The following ISCA2 variants were observed in gnomAD, a reference collection of about 807,000 sequenced individuals.
ISCA2 encodes iron-sulfur cluster assembly 2, also known as iron-sulfur cluster assembly 2 homolog, mitochondrial.
A neutral mutation model predicts 19.1 loss-of-function variants in ISCA2; 21 were observed. That is an observed-to-expected ratio of 1.10 (90% CI 0.78 to 1.59). ISCA2 has a LOEUF of 1.59. Ranked by LOEUF, ISCA2 falls within the 40% of genes most tolerant of loss-of-function variation. The pLI is 0.00. For synonymous variants in ISCA2, 107 were observed against 83.8 expected (o/e 1.28, Z -1.51); for missense variants, 181 against 191.7 (o/e 0.94, Z 0.33).
intron 3 of ISCA2, 156 bp from the exon 4 acceptor site, chr14:74,494,670 T>C (rs978275035): frequency 1.5e-6 from 1 of 655,806 alleles, no homozygotes; most frequent in Non-Finnish European, 2.6e-6. Context: ...ATTTATTCCA[T>C]TGAATCATTT....
Position 74,496,241 on chromosome 14 carries a change from G to A in ISCA2, c.*1241G>A, listed in dbSNP as rs900042598. On this transcript the variant is annotated 3_prime_UTR_variant, in exon 4 of 4. Transcript: ENST00000556816. ...AATCCATCTTTTGCTTGGGAGCCTA[G>A]AAGTTTGTTACAGTAAAGACTTGCA... 1.3e-5 allele frequency: 2 copies of A among 152,164 alleles called. No homozygotes were observed. The highest frequency in any genetic ancestry group is 4.8e-5 in the African/African-American group (2 of 41,436). The allele number at this position is 152,164 out of a possible 1,614,324, so 9.4% of individuals were successfully genotyped here.
In ISCA2 at chr14:74,494,384, A is replaced by G. The variant is rs774568931; in HGVS notation, c.284A>G (p.Asp95Gly). The G allele has an allele frequency of 1.2e-6, 2 of 1,612,282 alleles. No homozygotes were observed. The highest frequency in any genetic ancestry group is 8.5e-7 in the Non-Finnish European group (1 of 1,178,398). ...TCACTGGATACAGTTATCAACCCCG[A>G]CGACAGGCAAGGAGGAAGGGGTGGG... ...KFSLDTVINP[D>G]DRVFEQGGAR... Residue 95 changes from aspartate to glycine, a missense_variant, in exon 3 of 4, where the codon GAC (aspartate) becomes GGC (glycine). By Grantham distance (94) the Asp-to-Gly change is moderately conservative (BLOSUM62 -1). Coordinates refer to ENST00000556816, the MANE Select transcript of ISCA2 (RefSeq NM_194279.4).
Position 74,494,154 on chromosome 14 carries a change from T to A in ISCA2, c.174+2T>A. The A allele has an allele frequency of 6.3e-7, 1 of 1,587,668 alleles. No individual in the cohort carries two copies. The highest frequency in any genetic ancestry group is 8.6e-7 in the Non-Finnish European group (1 of 1,166,796). ...CGCCTCACAGACAGTTGCGTCCAGGTAGGAGGCCGGACGCGGAGCGGCGGT... is the reference window on the plus strand; with the variant it reads ...CGCCTCACAGACAGTTGCGTCCAGGAAGGAGGCCGGACGCGGAGCGGCGGT... On this transcript the variant is annotated splice_donor_variant, in intron 2 of 3. Coordinates refer to ENST00000556816, the MANE Select transcript of ISCA2 (RefSeq NM_194279.4). LOFTEE classifies it high-confidence loss of function.
rs1175844021 is a variant in ISCA2, at chr14:74,496,659, A to G, written c.*1659A>G. Reference sequence around the variant, plus strand: ...TTAAGAATATTTTTGTGGGTTATTTATTGATTTTGTGGTTTTAAAACTCTT... The same window carrying G: ...TTAAGAATATTTTTGTGGGTTATTTGTTGATTTTGTGGTTTTAAAACTCTT... On this transcript the variant is annotated 3_prime_UTR_variant, in exon 4 of 4. Coordinates refer to ENST00000556816, the MANE Select transcript of ISCA2 (RefSeq NM_194279.4). The G allele has an allele frequency of 1.3e-5, 2 of 152,162 alleles. No individual in the cohort carries two copies. The highest frequency in any genetic ancestry group is 4.8e-5 in the African/African-American group (2 of 41,428). The allele number at this position is 152,162 out of a possible 1,614,324, so 9.4% of individuals were successfully genotyped here.
intron 3 of ISCA2, 86 bp downstream of exon 3, chr14:74,494,476 A>T: frequency 1.0e-6 from 1 of 990,330 alleles, no homozygotes; most frequent in Non-Finnish European, 1.6e-6. Flanking sequence ...TTCCAAATTT[A>T]AAGGGTTTAC....
chr14:74,494,707 A>T, intron 3 of ISCA2, 119 bp from the exon 4 acceptor site: 1 of 824,710 alleles, frequency 1.2e-6, no homozygotes, highest in Non-Finnish European at 1.9e-6. Context: ...AGCACCTGTT[A>T]AAGGTAATGG....
chr14:74,494,886 AG>A lies in ISCA2; in HGVS notation c.355del (p.Ala119ProfsTer9). ...VDSDSLAFVK[G>X]AQVDFSQELI... is the part of the protein sequence containing the mutation. ...ACTCTGATAGCTTGGCCTTCGTGAA[AG>A]GGGCCCAGGTGGACTTCAGCCAAGA... On this transcript the variant is annotated frameshift_variant, in exon 4 of 4. Coordinates refer to ENST00000556816, the MANE Select transcript of ISCA2 (RefSeq NM_194279.4). LOFTEE classifies it high-confidence loss of function. The A allele has an allele frequency of 6.2e-7, 1 of 1,614,080 alleles. No homozygotes were observed. Among genetic ancestry groups the A allele is most frequent in the Non-Finnish European group, 8.5e-7 (1 of 1,179,974 alleles).
chr14:74,495,260 A>G lies in ISCA2; in HGVS notation c.*260A>G. On this transcript the variant is annotated 3_prime_UTR_variant, in exon 4 of 4. Transcript: ENST00000556816. ...TTAATCACTGGTTGAAACTCCGTAT[A>G]ATCTGTAGAGCCTCCATGGCTCTAA... 2 of 396,702 alleles carry G rather than the reference A, an allele frequency of 5.0e-6. No homozygotes were observed. Among genetic ancestry groups the G allele is most frequent in the Non-Finnish European group, 9.0e-6 (2 of 221,536 alleles). 24.6% of individuals were successfully genotyped at this position (396,702 alleles called of 1,614,324 possible).
chr14:74,494,709 A>T, intron 3 of ISCA2, 117 bp from the exon 4 acceptor site: 1 of 833,942 alleles, frequency 1.2e-6, no homozygotes, highest in Non-Finnish European at 1.9e-6. Flanking sequence ...CACCTGTTAA[A>T]GGTAATGGGG....
At chr14:74,494,790 G>T in intron 3 of ISCA2, 36 bp from the exon 4 acceptor site, 1 of 1,593,486 alleles carries the variant, frequency 6.3e-7, no homozygotes. Context: ...TTTTGTGTTT[G>T]CGATACTCCT....
chr14:74,495,014 G>T lies in ISCA2; in HGVS notation c.*14G>T. On this transcript the variant is annotated 3_prime_UTR_variant, in exon 4 of 4. Transcript: ENST00000556816. ...ATCAAACTTTGATGTGATGACTGGT[G>T]ACTCTGGGATTGTCACCAGTTGTAC... 6.2e-7 allele frequency: 1 copy of T among 1,602,356 alleles called. No homozygotes were observed. Among genetic ancestry groups the T allele is most frequent in the South Asian group, 1.1e-5 (1 of 90,662 alleles).
chr14:74,495,787 A>AT lies in ISCA2; in HGVS notation c.*789dup. On this transcript the variant is annotated 3_prime_UTR_variant, in exon 4 of 4. Transcript: ENST00000556816. Reference sequence around the variant, plus strand: ...ATGCACAGCAGGAAGTGATCCCTTTATTGTTATAGGTAATAGATTCTTGGG... The same window carrying AT: ...ATGCACAGCAGGAAGTGATCCCTTTATTTGTTATAGGTAATAGATTCTTGGG... The AT allele has an allele frequency of 6.6e-6, 1 of 152,120 alleles. No homozygotes were observed. Among genetic ancestry groups the AT allele is most frequent in the East Asian group, 1.9e-4 (1 of 5,200 alleles). The allele number at this position is 152,120 out of a possible 1,614,324, so 9.4% of individuals were successfully genotyped here.
chr14:74,493,770 G>A lies in ISCA2; in HGVS notation c.-5G>A, dbSNP rs1345199100. ...AGACGCGAGGGGCGGAGCTTGTGGAGGAAGATGGCTGCCGCCTGGGGGTCG... is the reference window on the plus strand; with the variant it reads ...AGACGCGAGGGGCGGAGCTTGTGGAAGAAGATGGCTGCCGCCTGGGGGTCG... On this transcript the variant is annotated 5_prime_UTR_variant, in exon 1 of 4. Coordinates refer to ENST00000556816, the MANE Select transcript of ISCA2 (RefSeq NM_194279.4). The surrounding 1 kb of genome is among the most constrained non-coding windows in gnomAD (Gnocchi z 4.1). 6.6e-7 allele frequency: 1 copy of A among 1,518,132 alleles called. No individual in the cohort carries two copies. Among genetic ancestry groups the A allele is most frequent in the Non-Finnish European group, 8.8e-7 (1 of 1,134,184 alleles). The allele number at this position is 1,518,132 out of a possible 1,614,324, so 94.0% of individuals were successfully genotyped here. A position where few individuals can be genotyped will look rare whatever the true frequency, so the allele number is the denominator to read the frequency against.
In ISCA2 at chr14:74,494,278, C is replaced by T; in HGVS notation, c.178C>T (p.Leu60Phe). Residue 60 changes from leucine (L) to phenylalanine (F), a missense_variant, in exon 3 of 4, where the codon CTT (leucine) becomes TTT (phenylalanine). Coordinates refer to ENST00000556816, the MANE Select transcript of ISCA2 (RefSeq NM_194279.4). The part of the protein sequence containing the change: ...IRLTDSCVQR[L>F]LEITEGSEFL... ...GATCCCCCTTCCTGCATTTCAGAGG[C>T]TTTTGGAAATCACCGAAGGGTCAGA... 6.2e-7 allele frequency: 1 copy of T among 1,613,468 alleles called. No homozygotes were observed. The highest frequency in any genetic ancestry group is 1.1e-5 in the South Asian group (1 of 91,070).
chr14:74,495,917 A>G lies in ISCA2; in HGVS notation c.*917A>G, dbSNP rs1191559015. ...TATGCATATGTCTCAAATATTGCAT[A>G]TACTAAAAATTACTATTTGAAATTC... On this transcript the variant is annotated 3_prime_UTR_variant, in exon 4 of 4. Coordinates refer to ENST00000556816, the MANE Select transcript of ISCA2 (RefSeq NM_194279.4). The G allele has an allele frequency of 6.6e-6, 1 of 152,268 alleles. No homozygotes were observed. The highest frequency in any genetic ancestry group is 2.4e-5 in the African/African-American group (1 of 41,472). 9.4% of individuals were successfully genotyped at this position (152,268 alleles called of 1,614,324 possible).
rs192066294 is a variant in ISCA2, at chr14:74,493,876, G to T, written c.71+31G>T. ...AAGACTAGAAAGGCACCTGGAAAGG[G>T]TGTTTGGTTCTGCGCCTCTAGGACA... On this transcript the variant is annotated intron_variant, in intron 1 of 3. Transcript: ENST00000556816. The surrounding 1 kb of genome is among the most constrained non-coding windows in gnomAD (Gnocchi z 4.1). 7,448 of 1,547,286 alleles carry T rather than the reference G, an allele frequency of 4.8e-3. 30 individuals carry two copies. The highest frequency in any genetic ancestry group is 5.4e-3 in the Non-Finnish European group (6,136 of 1,142,002).
rs2086839199 is a variant in ISCA2, at chr14:74,495,651, A to G, written c.*651A>G. On this transcript the variant is annotated 3_prime_UTR_variant, in exon 4 of 4. Transcript: ENST00000556816. ...TCACTGATAGTGAATTATTTCAAAA[A>G]TAGCCTCCCTACTCATACAGACATT... 6.6e-6 allele frequency: 1 copy of G among 152,338 alleles called. No individual in the cohort carries two copies. Among genetic ancestry groups the G allele is most frequent in the East Asian group, 1.9e-4 (1 of 5,184 alleles). The allele number at this position is 152,338 out of a possible 1,614,324, so 9.4% of individuals were successfully genotyped here. A position where few individuals can be genotyped will look rare whatever the true frequency, so the allele number is the denominator to read the frequency against.
At position 74,494,357 on chromosome 14, in the gene ISCA2, T is replaced by A. The variant is rs1464591028; in HGVS notation, c.257T>A (p.Phe86Tyr). Residue 86 changes from phenylalanine to tyrosine, a missense_variant, in exon 3 of 4, where the codon TTT becomes TAT. Physicochemically the swap from Phe to Tyr is conservative, Grantham distance 22 (BLOSUM62 3). Transcript: ENST00000556816. ...GGGCSGFQYK[F>Y]SLDTVINPDD... ...GGATGCTCCGGATTCCAATACAAAT[T>A]TTCACTGGATACAGTTATCAACCCC... 1 of 1,613,920 alleles carries A rather than the reference T, an allele frequency of 6.2e-7. No individual in the cohort carries two copies. The highest frequency in any genetic ancestry group is 1.3e-5 in the African/African-American group (1 of 74,908).
rs1345262361 is a variant in ISCA2, at chr14:74,494,332, G to A, written c.232G>A (p.Gly78Arg). 1.9e-6 allele frequency: 3 copies of A among 1,614,072 alleles called. No homozygotes were observed. In the South Asian group the frequency reaches 3.3e-5, roughly 18 times the overall value. The change falls in exon 3 of 4, where the codon GGA becomes AGA. Residue 78 changes from glycine to arginine, a missense_variant. Gly to Arg is a moderately radical substitution (Grantham distance 125, BLOSUM62 -2). Coordinates refer to ENST00000556816, the MANE Select transcript of ISCA2 (RefSeq NM_194279.4). The part of the protein sequence containing the change: ...EFLRLQVEGG[G>R]CSGFQYKFSL... Reference sequence around the variant, plus strand: ...CCTCAGGCTGCAAGTGGAGGGAGGTGGATGCTCCGGATTCCAATACAAATT... The same window carrying A: ...CCTCAGGCTGCAAGTGGAGGGAGGTAGATGCTCCGGATTCCAATACAAATT...
Sources: allele counts gnomAD v4.1 joint callset, GRCh38; gene constraint gnomAD v4.1.1; non-coding constraint Gnocchi (gnomAD v3.1); transcripts MANE v1.5; gene names NCBI Gene and HGNC (gene_info 2026-07-23, HGNC 2026-07-21).